The following LRRC37A2 variants were observed in gnomAD, a reference collection of about 807,000 sequenced individuals.
LRRC37A2 encodes leucine rich repeat containing 37 member A2, also known as leucine-rich repeat-containing protein 37A2.
LRRC37A2 carries 9 observed loss-of-function variants against 68.8 expected under a neutral mutation model. That is an observed-to-expected ratio of 0.13 (90% CI 0.08 to 0.23). The LOEUF (loss-of-function observed/expected upper bound fraction) is 0.23. Among genes scored for constraint, LRRC37A2 ranks in the 10% least tolerant of loss-of-function variants. The pLI, the probability that LRRC37A2 is intolerant of heterozygous loss-of-function variation, is 1.00. For synonymous variants in LRRC37A2, 63 were observed against 367.6 expected (o/e 0.17, Z 9.48); for missense variants, 168 against 950.4 (o/e 0.18, Z 10.82).
the LRRC37A2 span, among the ~76,000 whole-genome samples, chr17:46,817,631 C>G: frequency 7.0e-6 from 1 of 142,732 alleles, no homozygotes; most frequent in African/African-American, 2.5e-5. Context: ...CAGACACGCA[C>G]AGCCCCCCCC....
the LRRC37A2 span, among the ~76,000 whole-genome samples, chr17:47,001,717 C>CTT: frequency 0.021 from 2,294 of 108,334 alleles, 25 homozygotes; most frequent in African/African-American, 0.025. Flanking sequence ...CTCTTTTTTC[C>CTT]TTTTTTTTTT....
the LRRC37A2 span, among the ~76,000 whole-genome samples, chr17:46,850,922 C>T: frequency 6.6e-6 from 1 of 152,178 alleles, no homozygotes; most frequent in African/African-American, 2.4e-5. Context: ...CAAAAGCCCA[C>T]GGAGGCCCAC....
At chr17:46,494,932 G>A in the LRRC37A2 span, among the ~76,000 whole-genome samples, 1 of 150,916 alleles carries the variant, frequency 6.6e-6, no homozygotes, top group African/African-American at 2.5e-5. Context: ...CTTCTATCTT[G>A]CTGAGTTTTT....
chr17:46,530,378 C>G (rs910842399), intron 6 of LRRC37A2, among the ~76,000 whole-genome samples: 7 of 144,456 alleles, frequency 4.8e-5, no homozygotes, highest in Non-Finnish European at 9.1e-5. Flanking sequence ...CACATTCTTT[C>G]TCTTTGTAAC....
chr17:46,549,133 T>A, exon 10 of LRRC37A2: 1 of 1,611,538 alleles, frequency 6.2e-7, no homozygotes, highest in East Asian at 2.2e-5. Flanking sequence ...AAAGAAAAGT[T>A]ATCTGAGTAG....
At chr17:46,721,788 C>T in the LRRC37A2 span, 1 of 1,601,870 alleles carries the variant, frequency 6.2e-7, no homozygotes, top group Non-Finnish European at 8.5e-7. Context: ...AGGAAGGCAT[C>T]GTGCACAGCT....
chr17:46,900,490 T>C, the LRRC37A2 span, among the ~76,000 whole-genome samples: 1 of 152,128 alleles, frequency 6.6e-6, no homozygotes, highest in African/African-American at 2.4e-5. Context: ...CCTCAGGTGA[T>C]GCACCCGCCT....
At chr17:46,900,162 C>CATATATATAT in the LRRC37A2 span, among the ~76,000 whole-genome samples, 3 of 101,152 alleles carry the variant, frequency 3.0e-5, no homozygotes, top group African/African-American at 1.5e-4. Context: ...TATATATATA[C>CATATATATAT]ATATACATAT....
At chr17:47,008,980 G>A in the LRRC37A2 span, among the ~76,000 whole-genome samples, 1 of 151,888 alleles carries the variant, frequency 6.6e-6, no homozygotes, top group African/African-American at 2.4e-5. Flanking sequence ...TAAATTTCAT[G>A]GAATACTTTC....
the LRRC37A2 span, among the ~76,000 whole-genome samples, chr17:46,946,172 A>T: frequency 6.6e-6 from 1 of 151,700 alleles, no homozygotes; most frequent in African/African-American, 2.4e-5. Context: ...GCGGTGTCTC[A>T]TGCCTGTAAT....
the LRRC37A2 span, among the ~76,000 whole-genome samples, chr17:46,927,686 C>T: frequency 6.6e-6 from 1 of 152,138 alleles, no homozygotes; most frequent in African/African-American, 2.4e-5. Flanking sequence ...CTGTTTCTTT[C>T]CTCTTGGGCC....
the LRRC37A2 span, among the ~76,000 whole-genome samples, chr17:46,864,258 T>A: frequency 1.3e-5 from 2 of 152,154 alleles, no homozygotes; most frequent in African/African-American, 4.8e-5. Context: ...GGGTAGGAAC[T>A]TGCCACCAGG....
chr17:46,843,360 C>T, the LRRC37A2 span, among the ~76,000 whole-genome samples: 2 of 152,122 alleles, frequency 1.3e-5, no homozygotes, highest in African/African-American at 4.8e-5. Flanking sequence ...AGTGGGAAAA[C>T]TTGGTTTCCT....
At chr17:46,780,151 T>A in the LRRC37A2 span, among the ~76,000 whole-genome samples, 3 of 152,232 alleles carry the variant, frequency 2.0e-5, no homozygotes, top group Non-Finnish European at 4.4e-5. Context: ...GTGAGACACC[T>A]AAAGGCACCC....
At chr17:46,894,971 C>T in the LRRC37A2 span, among the ~76,000 whole-genome samples, 46 of 152,336 alleles carry the variant, frequency 3.0e-4, 1 homozygote, top group South Asian at 3.5e-3. Context: ...CGGGACGGGA[C>T]GTGCTCGCCT....
the LRRC37A2 span, among the ~76,000 whole-genome samples, chr17:47,026,860 G>A: frequency 1.4e-4 from 22 of 152,156 alleles, 1 homozygote; most frequent in Middle Eastern, 0.014. Context: ...TATTGAACTG[G>A]CTTAGGAAAA....
the LRRC37A2 span, among the ~76,000 whole-genome samples, chr17:46,958,836 T>C: frequency 6.6e-6 from 1 of 152,232 alleles, no homozygotes; most frequent in Non-Finnish European, 1.5e-5. Flanking sequence ...AGAACGGAGC[T>C]CTAGCCTGCT....
chr17:46,977,581 C>A, the LRRC37A2 span, among the ~76,000 whole-genome samples: 1 of 152,218 alleles, frequency 6.6e-6, no homozygotes, highest in African/African-American at 2.4e-5. Flanking sequence ...ATGGGAGGCT[C>A]CAAGTCCCCT....
the LRRC37A2 span, among the ~76,000 whole-genome samples, chr17:46,852,389 AGTGTGTGTGTGTGTGTGTGTGTGTGTGT>A: frequency 1.0e-4 from 11 of 105,380 alleles, no homozygotes; most frequent in South Asian, 7.8e-4. Flanking sequence ...GAGAGGGCCC[AGTGTGTGTGTGTGTGTGTGTGTGTGTGT>A]GTGTGTGTGT....
Sources: gnomAD v4.1 joint callset for allele counts (sites outside exome capture counted in the v4.1 genomes callset) on GRCh38, gnomAD v4.1.1 for gene constraint, MANE v1.5 for transcripts, NCBI Gene and HGNC (gene_info 2026-07-23, HGNC 2026-07-21) for gene names.